The following EPHA4 variants were observed in gnomAD, a reference collection of about 807,000 sequenced individuals.
The protein encoded by EPHA4 is ephrin type-A receptor 4.
Under a neutral mutation model 108.3 loss-of-function variants are expected in EPHA4, and 19 were observed. The ratio of observed to expected loss-of-function variants is 0.18; its 90% CI spans 0.12 to 0.26. The LOEUF (loss-of-function observed/expected upper bound fraction) is 0.26, where lower values mean the gene tolerates loss of function less well. EPHA4 is among the 10% of genes least tolerant of loss of function. The pLI is 1.00. For missense variants in EPHA4, 917 were observed against 1,254.0 expected (o/e 0.73, Z 4.06); for synonymous variants, 449 against 455.5 (o/e 0.99, Z 0.18).
Position 221,467,325 on chromosome 2 carries a change from C to T in EPHA4, c.1319-9335G>A, listed in dbSNP as rs528761146. The stretch of plus-strand genomic sequence containing the variant: ...TACATTCGAATCTTGCCCACTTTTC[C>T]ATACGTGTATATTTCACAATAAAAA... On this transcript the variant is annotated intron_variant, in intron 5 of 17. Coordinates refer to ENST00000281821, the MANE Select transcript of EPHA4 (RefSeq NM_004438.5). Among the ~76,000 whole-genome samples, 8 of 152,218 alleles carry T rather than the reference C, an allele frequency of 5.3e-5. No homozygotes were observed. In the South Asian group the frequency reaches 1.5e-3, roughly 28 times the overall value.
chr2:221,480,863 C>T (rs1340644343), intron 5 of EPHA4, among the ~76,000 whole-genome samples: 15 of 152,154 alleles, frequency 9.9e-5, no homozygotes, highest in Admixed American at 9.8e-4. Context: ...TGGATTGGGA[C>T]ACTGGAATAG....
Position 221,486,553 on chromosome 2 carries a change from C to A in EPHA4, c.980-3863G>T, listed in dbSNP as rs570077228. On this transcript the variant is annotated intron_variant, in intron 4 of 17. Transcript: ENST00000281821. ...ACCAGCCTGGCCAATATGGTGAAAC[C>A]CCCGTCTCTACTAAAAATACATAAA... 7.9e-5 allele frequency among the ~76,000 whole-genome samples: 12 copies of A among 151,730 alleles called. No homozygotes were observed. The South Asian group carries it at 2.5e-3, about 32-fold the overall frequency.
intron 8 of EPHA4, among the ~76,000 whole-genome samples, chr2:221,455,093 C>A (rs1417011843): frequency 6.6e-6 from 1 of 152,146 alleles, no homozygotes. Context: ...TGTCAATAAC[C>A]CTTTGAGGCA....
chr2:221,425,889 A>C lies in EPHA4; in HGVS notation c.*139T>G. ...GTTTCAGCAATCTGTGCACCAAGCA[A>C]CGCTGCAGATATTGTTTTTTTTTTT... On this transcript the variant is annotated 3_prime_UTR_variant, in exon 17 of 18. Coordinates refer to ENST00000281821, the MANE Select transcript of EPHA4 (RefSeq NM_004438.5). 1.4e-6 allele frequency: 1 copy of C among 739,056 alleles called. No homozygotes were observed. 45.8% of individuals were successfully genotyped at this position (739,056 alleles called of 1,614,324 possible). A position where few individuals can be genotyped will look rare whatever the true frequency, so the allele number is the denominator to read the frequency against.
At chr2:221,537,463 CA>C (rs1169499914) in intron 3 of EPHA4, among the ~76,000 whole-genome samples, 1 of 152,146 alleles carries the variant, frequency 6.6e-6, no homozygotes, top group Non-Finnish European at 1.5e-5. Flanking sequence ...CCTTAAGGGA[CA>C]AAATTGTTCA....
At chr2:221,439,527 G>T in intron 11 of EPHA4, among the ~76,000 whole-genome samples, 1 of 151,120 alleles carries the variant, frequency 6.6e-6, no homozygotes, top group African/African-American at 2.4e-5. Context: ...TGGCTCTGTG[G>T]CCCAAGCTAG....
chr2:221,492,524 AT>A (rs1337300091), intron 4 of EPHA4, among the ~76,000 whole-genome samples: 1 of 152,034 alleles, frequency 6.6e-6, no homozygotes, highest in Non-Finnish European at 1.5e-5. Flanking sequence ...TTTATCTTTA[AT>A]TTTCTTCAAA....
At chr2:221,565,977 A>G (rs1482925728) in intron 2 of EPHA4, among the ~76,000 whole-genome samples, 1 of 152,192 alleles carries the variant, frequency 6.6e-6, no homozygotes, top group Non-Finnish European at 1.5e-5. Flanking sequence ...GTAATTGTCT[A>G]ACCACACTGA....
chr2:221,495,879 T>C (rs1165250694), intron 4 of EPHA4, among the ~76,000 whole-genome samples: 1 of 152,186 alleles, frequency 6.6e-6, no homozygotes, highest in African/African-American at 2.4e-5. Flanking sequence ...TATTTCTTCA[T>C]TAGTGTGCCG....
intron 17 of EPHA4, among the ~76,000 whole-genome samples, chr2:221,420,998 T>C (rs1689743446): frequency 6.6e-6 from 1 of 152,106 alleles, no homozygotes; most frequent in Non-Finnish European, 1.5e-5. Flanking sequence ...ACAATAATGA[T>C]TGAAAAATGC....
chr2:221,490,029 C>T (rs1329590123), intron 4 of EPHA4, among the ~76,000 whole-genome samples: 1 of 151,400 alleles, frequency 6.6e-6, no homozygotes, highest in Non-Finnish European at 1.5e-5. Context: ...TCCTGTAGTC[C>T]CAGCTACTTG....
chr2:221,445,615 C>T (rs1194600055), intron 9 of EPHA4, among the ~76,000 whole-genome samples: 1 of 148,286 alleles, frequency 6.7e-6, no homozygotes. Flanking sequence ...AAAAAGTCTT[C>T]TACCTTGCTT....
At chr2:221,555,209 C>T (rs937384844) in intron 3 of EPHA4, among the ~76,000 whole-genome samples, 1 of 152,184 alleles carries the variant, frequency 6.6e-6, no homozygotes, top group Non-Finnish European at 1.5e-5. Flanking sequence ...AAATAGTCTC[C>T]TCTCTGCCTC....
rs1559297201 is a variant in EPHA4 at position 221,566,908 on chromosome 2, G to GAGAAGGAGA, written c.159+1801_159+1809dup. On this transcript the variant is annotated intron_variant, in intron 2 of 17. Coordinates refer to ENST00000281821, the MANE Select transcript of EPHA4 (RefSeq NM_004438.5). ...GGAGAAGGAGAAGGAGAAGGAGAAG[G>GAGAAGGAGA]AGAAGGAGAAGGAGAAGGAGAAGGA... Among the ~76,000 whole-genome samples, 20 of 36,540 alleles carry GAGAAGGAGA rather than the reference G, an allele frequency of 5.5e-4. 3 individuals are homozygous for GAGAAGGAGA. Among genetic ancestry groups the GAGAAGGAGA allele is most frequent in the Non-Finnish European group, 7.5e-4 (16 of 21,246 alleles). The allele number at this position is 36,540 out of a possible 152,430, so 24.0% of individuals were successfully genotyped here.
intron 8 of EPHA4, among the ~76,000 whole-genome samples, chr2:221,455,098 G>A (rs1574577376): frequency 1.3e-5 from 2 of 152,244 alleles, no homozygotes; most frequent in African/African-American, 4.8e-5. Flanking sequence ...ATAACCCTTT[G>A]AGGCAGATAA....
chr2:221,445,857 T>G (rs1307663455), intron 9 of EPHA4, among the ~76,000 whole-genome samples: 4 of 152,112 alleles, frequency 2.6e-5, no homozygotes, highest in Non-Finnish European at 5.9e-5. Flanking sequence ...ATGAGCCAGC[T>G]AGACTGATAA....
chr2:221,441,706 C>T (rs368843605), intron 11 of EPHA4, among the ~76,000 whole-genome samples: 2 of 152,170 alleles, frequency 1.3e-5, no homozygotes, highest in African/African-American at 4.8e-5. Context: ...GGCAACCACT[C>T]GCCCAGGCTC....
chr2:221,426,005 T>A lies in EPHA4; in HGVS notation c.*23A>T, dbSNP rs1235420429. 6.2e-7 allele frequency: 1 copy of A among 1,602,058 alleles called. No homozygotes were observed. Among genetic ancestry groups the A allele is most frequent in the Admixed American group, 1.7e-5 (1 of 59,856 alleles). On this transcript the variant is annotated 3_prime_UTR_variant, in exon 17 of 18. Coordinates refer to ENST00000281821, the MANE Select transcript of EPHA4 (RefSeq NM_004438.5). ...GGATGAGGTAAACTAATTTCAAGAG[T>A]TTTGAGTTTATTCAGTACTGGCTCA...
intron 3 of EPHA4, among the ~76,000 whole-genome samples, chr2:221,517,168 TG>T (rs1270188716): frequency 6.6e-6 from 1 of 152,056 alleles, no homozygotes; most frequent in African/African-American, 2.4e-5. Context: ...AGGATGGGGC[TG>T]GGAAGGTGGT....
Sources: gnomAD v4.1 joint callset for allele counts (sites outside exome capture counted in the v4.1 genomes callset) on GRCh38, gnomAD v4.1.1 for gene constraint, MANE v1.5 for transcripts, NCBI Gene and HGNC (gene_info 2026-07-23, HGNC 2026-07-21) for gene names.